DYNC2H1: variants seen among roughly 807,000 people sequenced by gnomAD.
DYNC2H1 encodes dynein cytoplasmic 2 heavy chain 1, also known as cytoplasmic dynein 2 heavy chain 1.
In DYNC2H1, 410 loss-of-function variants were observed where a neutral mutation model predicts 570.0. The ratio of observed to expected loss-of-function variants is 0.72; its 90% CI spans 0.66 to 0.78. DYNC2H1 has a LOEUF of 0.78. DYNC2H1 is among the 30% of genes least tolerant of loss of function. DYNC2H1 has a pLI of 0.00. For missense variants in DYNC2H1, 4,865 were observed against 5,046.4 expected, an observed-to-expected ratio of 0.96 and a Z score of 1.09; for synonymous variants, 1,688 against 1,677.6, an observed-to-expected ratio of 1.01 and a Z score of -0.15.
chr11:103,149,790 G>A (rs1387093094), intron 20 of DYNC2H1, among the ~76,000 whole-genome samples: 2 of 151,606 alleles, frequency 1.3e-5, no homozygotes, highest in African/African-American at 4.8e-5. Context: ...GTGTGAGAGA[G>A]AGTGAGCAAA....
In DYNC2H1 at chr11:103,259,926, C is replaced by G. The variant is rs1269863079; in HGVS notation, c.10644C>G (p.Ile3548Met). The G allele has an allele frequency of 1.3e-6, 2 of 1,547,014 alleles. No individual in the cohort carries two copies. Among genetic ancestry groups the G allele is most frequent in the Non-Finnish European group, 1.7e-6 (2 of 1,145,348 alleles). Residue 3548 changes from isoleucine (I) to methionine (M), a missense_variant, in exon 70 of 89, where the codon ATC becomes ATG. Coordinates refer to ENST00000375735, the MANE Select transcript of DYNC2H1 (RefSeq NM_001377.3). ...CAGAACAGAGAATCCAGTCACTTAT[C>G]AGCTCATTACAACATATGGTATATG... ...ENTEQRIQSL[I>M]SSLQHMVYEY...
At chr11:103,413,440 AATTTGATACTCT>A (rs1349507673) in intron 84 of DYNC2H1, among the ~76,000 whole-genome samples, 1 of 152,176 alleles carries the variant, frequency 6.6e-6, no homozygotes, top group African/African-American at 2.4e-5. Context: ...GCCCTTATGA[AATTTGATACTCT>A]CATCCTGCTT....
Position 103,174,066 on chromosome 11 carries a change from C to T in DYNC2H1, c.5570C>T (p.Thr1857Ile). 2 of 1,583,142 alleles carry T rather than the reference C, an allele frequency of 1.3e-6. No homozygotes were observed. The highest frequency in any genetic ancestry group is 1.2e-5 in the South Asian group (1 of 86,298). ...AIFNLSRELLTPQQHYDWGLR... is the reference protein window; with the variant it reads ...AIFNLSRELLIPQQHYDWGLR... Reference sequence around the variant, plus strand: ...TGTCTCTATTTCAGGGAACTTTTGACACCTCAGCAACATTATGATTGGGGT... The same window carrying T: ...TGTCTCTATTTCAGGGAACTTTTGATACCTCAGCAACATTATGATTGGGGT... The change falls in exon 36 of 89, where the codon ACA becomes ATA. Residue 1857 changes from threonine (T) to isoleucine (I), a missense_variant. This residue lies in a region of DYNC2H1 where 292 missense variants were observed against 300.2 expected (regional missense o/e 0.97). Coordinates refer to ENST00000375735, the MANE Select transcript of DYNC2H1 (RefSeq NM_001377.3).
rs1289435676 is a variant in DYNC2H1 at position 103,275,957 on chromosome 11, G to A, written c.10696-4391G>A. On this transcript the variant is annotated intron_variant, in intron 70 of 88. Transcript: ENST00000375735. This position sits in a 1 kb window ranked among gnomAD's most constrained non-coding sequence, Gnocchi z 4.8. ...AACCGCTAACCTGCCTTCCAAAGTG[G>A]CTGTACCCTTTTGCATTCCTGCCAG... Among the ~76,000 whole-genome samples the A allele has an allele frequency of 6.6e-6, 1 of 152,118 alleles. No individual in the cohort carries two copies. The highest frequency in any genetic ancestry group is 1.5e-5 in the Non-Finnish European group (1 of 68,018).
chr11:103,430,994 T>C (rs1943866932), intron 84 of DYNC2H1, among the ~76,000 whole-genome samples: 1 of 152,134 alleles, frequency 6.6e-6, no homozygotes, highest in African/African-American at 2.4e-5. Context: ...TGTTATGACT[T>C]CCTATCTTCA....
At chr11:103,352,255 T>C (rs1456144248) in intron 82 of DYNC2H1, among the ~76,000 whole-genome samples, 1 of 152,096 alleles carries the variant, frequency 6.6e-6, no homozygotes, top group Non-Finnish European at 1.5e-5. Flanking sequence ...TCTATTTAAA[T>C]TTTGTTTCCC....
intron 69 of DYNC2H1, 36 bp from the exon 70 acceptor site, chr11:103,259,852 T>C (rs1179515285): frequency 1.5e-6 from 2 of 1,377,084 alleles, no homozygotes; most frequent in Non-Finnish European, 9.9e-7. Context: ...TAAATGTTTA[T>C]AAATTTCCTA....
At chr11:103,347,422 A>G (rs3906622) in intron 82 of DYNC2H1, among the ~76,000 whole-genome samples, 3 of 151,968 alleles carry the variant, frequency 2.0e-5, no homozygotes, top group African/African-American at 7.2e-5. Flanking sequence ...TATAGTAGTT[A>G]TATCATTTTT....
chr11:103,307,669 G>T (rs1867358015), intron 77 of DYNC2H1, 52 bp from the exon 78 acceptor site: 16 of 962,500 alleles, frequency 1.7e-5, no homozygotes, highest in Non-Finnish European at 2.5e-5. Flanking sequence ...ATGTAAAAGA[G>T]AAACTTTCAT....
In DYNC2H1 at chr11:103,189,580, A is replaced by G. The variant is rs617059; in HGVS notation, c.7293-92A>G. 0.92 allele frequency: 1,173,452 copies of G among 1,281,196 alleles called. 538,253 individuals carry two copies. Among genetic ancestry groups the G allele is most frequent in the Admixed American group, 0.94 (46,511 of 49,562 alleles). 79.4% of individuals were successfully genotyped at this position (1,281,196 alleles called of 1,614,324 possible). Reference sequence around the variant, plus strand: ...AGATATGTAGGTCTTAGAGCAGCACAGTTTCAAAACCACTGTTGTAACTTA... The same window carrying G: ...AGATATGTAGGTCTTAGAGCAGCACGGTTTCAAAACCACTGTTGTAACTTA... On this transcript the variant is annotated intron_variant, in intron 44 of 88. Coordinates refer to ENST00000375735, the MANE Select transcript of DYNC2H1 (RefSeq NM_001377.3). The surrounding 1 kb of genome is among the most constrained non-coding windows in gnomAD (Gnocchi z 4.3).
At chr11:103,415,555 A>C (rs1943252143) in intron 84 of DYNC2H1, among the ~76,000 whole-genome samples, 1 of 152,230 alleles carries the variant, frequency 6.6e-6, no homozygotes, top group Non-Finnish European at 1.5e-5. Context: ...AAAAACGCTC[A>C]TCATCACTGG....
intron 10 of DYNC2H1, among the ~76,000 whole-genome samples, 159 bp from the exon 11 acceptor site, chr11:103,122,666 T>C (rs1565317076): frequency 1.3e-5 from 2 of 152,220 alleles, no homozygotes; most frequent in African/African-American, 4.8e-5. Flanking sequence ...AAAGTAGGGG[T>C]TGATATTTTT....
At chr11:103,182,170 A>G (rs1011177088) in intron 40 of DYNC2H1, among the ~76,000 whole-genome samples, 1 of 151,438 alleles carries the variant, frequency 6.6e-6, no homozygotes, top group African/African-American at 2.4e-5. Context: ...AATTTTTACT[A>G]GCAAAAACCA....
chr11:103,406,651 T>C (rs552376306), intron 84 of DYNC2H1: 5 of 152,102 alleles, frequency 3.3e-5, no homozygotes, highest in Admixed American at 1.3e-4. Context: ...TTTAGAATAG[T>C]AATGCTTGGG....
At chr11:103,283,779 G>A (rs1866237954) in intron 73 of DYNC2H1, among the ~76,000 whole-genome samples, 1 of 151,960 alleles carries the variant, frequency 6.6e-6, no homozygotes, top group African/African-American at 2.4e-5. Flanking sequence ...TGCATAGTCT[G>A]GGCTTTTCAC....
At chr11:103,251,996 T>G (rs7937244) in intron 65 of DYNC2H1, among the ~76,000 whole-genome samples, 1 of 151,956 alleles carries the variant, frequency 6.6e-6, no homozygotes, top group Admixed American at 6.6e-5. Context: ...TGATCCATAG[T>G]TCACTGTAAC....
chr11:103,427,850 A>C (rs538064967), intron 84 of DYNC2H1, among the ~76,000 whole-genome samples: 1 of 152,262 alleles, frequency 6.6e-6, no homozygotes, highest in South Asian at 2.1e-4. Flanking sequence ...CATTCAGTCC[A>C]CAGCAAATAT....
chr11:103,167,924 T>C (rs1861398175), intron 31 of DYNC2H1, among the ~76,000 whole-genome samples: 2 of 152,180 alleles, frequency 1.3e-5, no homozygotes, highest in African/African-American at 4.8e-5. Context: ...TTCCAGTCTT[T>C]GGTTTCTGAT....
intron 82 of DYNC2H1, among the ~76,000 whole-genome samples, chr11:103,356,137 C>G (rs7941781): frequency 0.068 from 10,346 of 151,994 alleles, 364 homozygotes; most frequent in Non-Finnish European, 0.077. Flanking sequence ...CCTTTTGATA[C>G]CATTTTAAAG....
Sources: allele counts gnomAD v4.1 joint callset (sites outside exome capture counted in the v4.1 genomes callset), GRCh38; gene constraint gnomAD v4.1.1; regional missense constraint gnomAD v4.1.1; non-coding constraint Gnocchi (gnomAD v3.1); transcripts MANE v1.5; gene names NCBI Gene and HGNC (gene_info 2026-07-23, HGNC 2026-07-21).